STAG1: variants seen among roughly 807,000 people sequenced by gnomAD.
The protein encoded by STAG1 is cohesin subunit SA-1.
A neutral mutation model predicts 170.9 loss-of-function variants in STAG1; 26 were observed. The observed-to-expected ratio is 0.15, with a 90% CI of 0.11 to 0.21. STAG1 has a LOEUF of 0.21. Among genes scored for constraint, STAG1 ranks in the 10% least tolerant of loss-of-function variants. The pLI is 1.00. For missense variants in STAG1, 964 were observed against 1,509.5 expected (o/e 0.64, Z 5.99); for synonymous variants, 514 against 497.7 (o/e 1.03, Z -0.44).
At chr3:136,477,666 C>T (rs1415110867) in intron 9 of STAG1, among the ~76,000 whole-genome samples, 2 of 152,102 alleles carry the variant, frequency 1.3e-5, no homozygotes, top group African/African-American at 4.8e-5. Flanking sequence ...TAGACAATGA[C>T]ATTTGGAGCT....
At chr3:136,370,419 T>C (rs1937268390) in intron 23 of STAG1, among the ~76,000 whole-genome samples, 1 of 152,192 alleles carries the variant, frequency 6.6e-6, no homozygotes, top group African/African-American at 2.4e-5. Flanking sequence ...TGCAGGTTTG[T>C]TACATAGGTA....
At chr3:136,586,179 C>T (rs1193570229) in intron 4 of STAG1, among the ~76,000 whole-genome samples, 3 of 151,946 alleles carry the variant, frequency 2.0e-5, no homozygotes, top group Admixed American at 6.6e-5. Context: ...TATGTAAATA[C>T]ATAAAGTCCA....
intron 16 of STAG1, among the ~76,000 whole-genome samples, chr3:136,423,584 C>G (rs1054905575): frequency 3.3e-5 from 5 of 152,186 alleles, no homozygotes; most frequent in Non-Finnish European, 5.9e-5. Context: ...CAAATTTAAG[C>G]TGCTAATGCT....
intron 1 of STAG1, among the ~76,000 whole-genome samples, chr3:136,651,073 A>C (rs1019557978): frequency 9.2e-5 from 14 of 152,120 alleles, no homozygotes; most frequent in African/African-American, 3.4e-4. Context: ...TATAATATTA[A>C]AGTATCATGT....
At chr3:136,495,970 CAAAAA>C (rs35882097) in intron 9 of STAG1, among the ~76,000 whole-genome samples, 2 of 64,136 alleles carry the variant, frequency 3.1e-5, no homozygotes, top group Non-Finnish European at 2.8e-5. Context: ...GACTCCGTCT[CAAAAA>C]AAAAAAAAAA....
intron 6 of STAG1, among the ~76,000 whole-genome samples, chr3:136,535,654 C>T (rs1401441415): frequency 6.6e-6 from 1 of 152,150 alleles, no homozygotes; most frequent in African/African-American, 2.4e-5. Context: ...CAAAGTGAGA[C>T]TCTGTCTCAA....
At chr3:136,616,430 T>C (rs755760739) in intron 3 of STAG1, among the ~76,000 whole-genome samples, 9 of 152,118 alleles carry the variant, frequency 5.9e-5, no homozygotes, top group Non-Finnish European at 1.0e-4. Context: ...AACTAAAAAC[T>C]AGTCTAGTCA....
chr3:136,397,781 T>A (rs950623057), intron 22 of STAG1, among the ~76,000 whole-genome samples: 10 of 152,116 alleles, frequency 6.6e-5, no homozygotes, highest in Non-Finnish European at 1.3e-4. Context: ...TTCTTGATCT[T>A]ACTTTTTTTC....
At chr3:136,698,377 C>A (rs1942958628) in intron 1 of STAG1, among the ~76,000 whole-genome samples, 1 of 151,978 alleles carries the variant, frequency 6.6e-6, no homozygotes, top group African/African-American at 2.4e-5. Flanking sequence ...ATACAGCTAA[C>A]AAGCATGAAA....
rs548668037 is a variant in STAG1, at chr3:136,457,310, C to T, written c.1314-5163G>A. Among the ~76,000 whole-genome samples the T allele has an allele frequency of 4.6e-5, 7 of 152,192 alleles. No individual in the cohort carries two copies. In the East Asian group the frequency reaches 5.8e-4, roughly 13 times the overall value. On this transcript the variant is annotated intron_variant, in intron 13 of 33. Coordinates refer to ENST00000383202, the MANE Select transcript of STAG1 (RefSeq NM_005862.3). ...GACTTGTTGGTTGCTCTCCCAGGCTCGTAAACATGTTCTCCATTATCTCAA... is the reference window on the plus strand; with the variant it reads ...GACTTGTTGGTTGCTCTCCCAGGCTTGTAAACATGTTCTCCATTATCTCAA...
At chr3:136,722,577 T>C (rs1933344370) in intron 1 of STAG1, among the ~76,000 whole-genome samples, 1 of 151,920 alleles carries the variant, frequency 6.6e-6, no homozygotes, top group African/African-American at 2.4e-5. Flanking sequence ...TACTGGGTAA[T>C]GCTGAGGGTT....
Position 136,690,384 on chromosome 3 carries a change from A to G in STAG1, c.-83-59403T>C, listed in dbSNP as rs182804805. ...CCCGAGTAGCTGGGACTACAGGCCC[A>G]CGCCACCATGCCCAACTAATTTTTG... On this transcript the variant is annotated intron_variant, in intron 1 of 33. Transcript: ENST00000383202. Among the ~76,000 whole-genome samples the G allele has an allele frequency of 1.4e-4, 21 of 152,236 alleles. No individual in the cohort carries two copies. The South Asian group carries it at 3.9e-3, about 29-fold the overall frequency.
rs142073448 is a variant in STAG1 at position 136,639,025 on chromosome 3, C to T, written c.-83-8044G>A. ...AATGAACCTCAAGACAATTAACTTG[C>T]CTTATCCTAAATCACCCTGCACTAA... is the stretch of plus-strand genomic sequence containing the variant. On this transcript the variant is annotated intron_variant, in intron 1 of 33. Transcript: ENST00000383202. 2.0e-3 allele frequency among the ~76,000 whole-genome samples: 311 copies of T among 152,054 alleles called. 1 individual carries two copies. The highest frequency in any genetic ancestry group is 7.1e-3 in the African/African-American group (296 of 41,466).
At position 136,422,453 on chromosome 3, in the gene STAG1, A is replaced by C; in HGVS notation, c.1994T>G (p.Phe665Cys). The C allele has an allele frequency of 6.2e-7, 1 of 1,613,984 alleles. No individual in the cohort carries two copies. Among genetic ancestry groups the C allele is most frequent in the Non-Finnish European group, 8.5e-7 (1 of 1,179,964 alleles). ...DIARSQLIDE[F>C]VDRFNHSVED... The stretch of plus-strand genomic sequence containing the variant: ...CACAGAATGATTGAATCGATCTACA[A>C]ACTCATCAATCAGCTGGCTTCGAGC... Residue 665 changes from phenylalanine to cysteine, a missense_variant, in exon 19 of 34, where the codon TTT (phenylalanine) becomes TGT (cysteine). By Grantham distance (205) the Phe-to-Cys change is radical. Transcript: ENST00000383202.
chr3:136,406,506 A>G (rs1245431788), intron 21 of STAG1, among the ~76,000 whole-genome samples: 1 of 152,200 alleles, frequency 6.6e-6, no homozygotes, highest in Non-Finnish European at 1.5e-5. Flanking sequence ...AACACATTAA[A>G]ATTCATAAGA....
chr3:136,436,145 G>A (rs796075277), intron 15 of STAG1, among the ~76,000 whole-genome samples: 15 of 151,728 alleles, frequency 9.9e-5, no homozygotes, highest in African/African-American at 3.4e-4. Context: ...TAGGAGAGTC[G>A]GGGTTTCACC....
At chr3:136,463,901 A>ATACTTACATATAAT (rs1254090495) in intron 13 of STAG1, among the ~76,000 whole-genome samples, 2 of 147,594 alleles carry the variant, frequency 1.4e-5, no homozygotes, top group Admixed American at 1.4e-4. Context: ...ATATACATAT[A>ATACTTACATATAAT]TACTTACATA....
chr3:136,412,941 C>A (rs1410176582), intron 21 of STAG1, among the ~76,000 whole-genome samples: 1 of 150,806 alleles, frequency 6.6e-6, no homozygotes, highest in Non-Finnish European at 1.5e-5. Flanking sequence ...CAGCTCACTG[C>A]AACCTCCTGT....
chr3:136,452,185 A>G (rs2088961437), intron 13 of STAG1, 38 bp from the exon 14 acceptor site: 1 of 1,295,558 alleles, frequency 7.7e-7, no homozygotes, highest in Non-Finnish European at 1.1e-6. Context: ...AGTTACATGA[A>G]TATGAACTTT....
Sources: gnomAD v4.1 joint callset for allele counts (sites outside exome capture counted in the v4.1 genomes callset) on GRCh38, gnomAD v4.1.1 for gene constraint, MANE v1.5 for transcripts, NCBI Gene and HGNC (gene_info 2026-07-23, HGNC 2026-07-21) for gene names.